The following BNIP2 variants were observed in gnomAD, a reference collection of about 807,000 sequenced individuals.
The protein encoded by BNIP2 is BCL2 interacting protein 2.
BNIP2 carries 36 observed loss-of-function variants against 43.4 expected under a neutral mutation model. That is an observed-to-expected ratio of 0.83 (90% CI 0.64 to 1.10). The LOEUF (loss-of-function observed/expected upper bound fraction) is 1.10, where lower values mean the gene tolerates loss of function less well. Among genes scored for constraint, BNIP2 ranks in the 50% least tolerant of loss-of-function variants. BNIP2 has a pLI of 0.00. For synonymous variants in BNIP2, 146 were observed against 121.0 expected (o/e 1.21, Z -1.35); for missense variants, 417 against 374.1 (o/e 1.11, Z -0.95).
intron 7 of BNIP2, 144 bp downstream of exon 7, chr15:59,671,039 C>T (rs1412009799): frequency 2.7e-6 from 2 of 745,200 alleles, no homozygotes; most frequent in Non-Finnish European, 3.9e-6. Context: ...TGCCATTGCA[C>T]TCCAGCCTGG....
chr15:59,664,014 A>C lies in BNIP2; in HGVS notation c.*55T>G. 1.0e-5 allele frequency: 14 copies of C among 1,341,648 alleles called. No individual in the cohort carries two copies. The highest frequency in any genetic ancestry group is 1.4e-5 in the Non-Finnish European group (14 of 982,150). The allele number at this position is 1,341,648 out of a possible 1,614,324, so 83.1% of individuals were successfully genotyped here. ...CCAATAAATGCATTATGAATGCAGA[A>C]ACAGCACTGCTCCATCAGCACATTC... On this transcript the variant is annotated 3_prime_UTR_variant, in exon 10 of 10. Transcript: ENST00000607373.
chr15:59,671,374 C>T, intron 6 of BNIP2, 60 bp from the exon 7 acceptor site: 1 of 1,447,354 alleles, frequency 6.9e-7, no homozygotes, highest in Non-Finnish European at 9.3e-7. Flanking sequence ...GAACTAGGTT[C>T]TCTAAATTGT....
intron 1 of BNIP2, chr15:59,688,595 TTG>T: frequency 9.7e-7 from 1 of 1,026,312 alleles, no homozygotes; most frequent in South Asian, 1.5e-5. Flanking sequence ...ACAGAAAGGG[TTG>T]TGTCTAGATT....
rs763032040 is a variant in BNIP2, at chr15:59,671,286, C to G, written c.604G>C (p.Val202Leu). 6.3e-7 allele frequency: 1 copy of G among 1,594,130 alleles called. No homozygotes were observed. Among genetic ancestry groups the G allele is most frequent in the Non-Finnish European group, 8.6e-7 (1 of 1,169,130 alleles). ...TAAACTATCATGTAGTTTTCTGCTA[C>G]TAATAGCTCCAAAGTGCCAATAACA... ...KYVIGTLELLVAENYMIVYLN... is the reference protein window; with the variant it reads ...KYVIGTLELLLAENYMIVYLN... Residue 202 changes from valine (V) to leucine (L), a missense_variant, in exon 7 of 10, where the codon GTA becomes CTA. By Grantham distance (32) the Val-to-Leu change is conservative. Transcript: ENST00000607373.
Position 59,661,318 on chromosome 15 carries a change from A to C in BNIP2, c.*2751T>G, listed in dbSNP as rs1165578322. 1 of 99,482 alleles carries C rather than the reference A, an allele frequency of 1.0e-5. No homozygotes were observed. Among genetic ancestry groups the C allele is most frequent in the Non-Finnish European group, 1.9e-5 (1 of 54,014 alleles). The allele number at this position is 99,482 out of a possible 1,614,324, so 6.2% of individuals were successfully genotyped here. On this transcript the variant is annotated 3_prime_UTR_variant, in exon 10 of 10. Transcript: ENST00000607373. ...GCACTCCAGAATGGGTGACAGAGTG[A>C]GTCTCTGTCTCCAAAAAAAAAAAAA...
At chr15:59,685,038 A>T (rs1019612131) in intron 1 of BNIP2, among the ~76,000 whole-genome samples, 13 of 152,244 alleles carry the variant, frequency 8.5e-5, no homozygotes, top group Non-Finnish European at 1.3e-4. Context: ...GTTACCCCAT[A>T]AAAATGTAAC....
chr15:59,670,917 TACA>T (rs1892858951), intron 7 of BNIP2, among the ~76,000 whole-genome samples: 1 of 151,564 alleles, frequency 6.6e-6, no homozygotes, highest in Non-Finnish European at 1.5e-5. Flanking sequence ...CTACAAAAAA[TACA>T]ACATTAGCTG....
intron 3 of BNIP2, 140 bp from the exon 4 acceptor site, chr15:59,679,908 A>T: frequency 1.3e-6 from 1 of 778,238 alleles, no homozygotes; most frequent in Non-Finnish European, 1.9e-6. Context: ...TATTCACAAA[A>T]TTTTTATTCT....
chr15:59,679,811 CTTAGATGCTAAAG>C (rs1893544162), intron 3 of BNIP2, 43 bp from the exon 4 acceptor site: 2 of 1,417,936 alleles, frequency 1.4e-6, no homozygotes, highest in Non-Finnish European at 1.9e-6. Flanking sequence ...ACAAGGAATG[CTTAGATGCTAAAG>C]TTGAATAAGA....
At chr15:59,677,794 C>T in intron 5 of BNIP2, 117 bp downstream of exon 5, 1 of 1,295,752 alleles carries the variant, frequency 7.7e-7, no homozygotes, top group African/African-American at 1.5e-5. Context: ...AGTCTCTCAA[C>T]CTAGCGCCTG....
At chr15:59,678,700 T>C in intron 4 of BNIP2, 2 of 1,217,938 alleles carry the variant, frequency 1.6e-6, no homozygotes, top group Non-Finnish European at 2.1e-6. Context: ...GTTTAGCTGA[T>C]TTTCAATGTA....
chr15:59,667,414 T>C (rs1334734647), intron 9 of BNIP2, among the ~76,000 whole-genome samples: 1 of 152,240 alleles, frequency 6.6e-6, no homozygotes, highest in Non-Finnish European at 1.5e-5. Context: ...TTTTTCTAAA[T>C]TATTATACAA....
rs1211283499 is a variant in BNIP2 at position 59,663,630 on chromosome 15, TAG to T, written c.*437_*438del. ...AAAACAAAAATTCTAATATGCACTT[TAG>T]AAAATCGTGGTCTTATATACCTGCA... On this transcript the variant is annotated 3_prime_UTR_variant, in exon 10 of 10. Transcript: ENST00000607373. The T allele has an allele frequency of 1.3e-5, 2 of 152,900 alleles. No individual in the cohort carries two copies. Among genetic ancestry groups the T allele is most frequent in the Non-Finnish European group, 2.9e-5 (2 of 68,238 alleles). 9.5% of individuals were successfully genotyped at this position (152,900 alleles called of 1,614,324 possible).
chr15:59,677,041 T>C (rs1419105665), intron 5 of BNIP2: 7 of 1,611,924 alleles, frequency 4.3e-6, no homozygotes, highest in African/African-American at 1.3e-5. Context: ...ATTGATTCCC[T>C]TGGCATTCAG....
At chr15:59,673,336 G>T (rs545819055) in intron 5 of BNIP2, among the ~76,000 whole-genome samples, 1 of 151,588 alleles carries the variant, frequency 6.6e-6, no homozygotes, top group Non-Finnish European at 1.5e-5. Context: ...GACTGGTCTC[G>T]AACTCCTGAC....
intron 5 of BNIP2, chr15:59,676,800 T>A: frequency 6.6e-7 from 1 of 1,522,776 alleles, no homozygotes. Context: ...GGTGGCCGCC[T>A]GGCCCTGCAG....
intron 1 of BNIP2, among the ~76,000 whole-genome samples, chr15:59,684,913 T>C (rs1296770387): frequency 2.0e-5 from 3 of 152,160 alleles, no homozygotes; most frequent in Admixed American, 2.0e-4. Flanking sequence ...AACAGGCCTA[T>C]AAAAATTAAG....
chr15:59,686,970 T>C (rs530200805), intron 1 of BNIP2, among the ~76,000 whole-genome samples: 42 of 152,286 alleles, frequency 2.8e-4, no homozygotes, highest in Non-Finnish European at 5.1e-4. Flanking sequence ...TGAGCCGAGA[T>C]TGCGCCATTG....
chr15:59,668,903 T>C lies in BNIP2; in HGVS notation c.882A>G (p.Glu294=). 6.2e-7 allele frequency: 1 copy of C among 1,613,094 alleles called. No individual in the cohort carries two copies. The highest frequency in any genetic ancestry group is 8.5e-7 in the Non-Finnish European group (1 of 1,179,270). The change falls in exon 9 of 10, where the codon GAA becomes GAG. Residue 294 remains glutamate, a synonymous_variant. Coordinates refer to ENST00000607373, the MANE Select transcript of BNIP2 (RefSeq NM_004330.4). ...LVPMEYVGIP[E]CIKQVDQELN... Reference sequence around the variant, plus strand: ...AAAACAAAACATACTGTTTTATGCATTCTGGTATGCCAACGTATTCCATGG... The same window carrying C: ...AAAACAAAACATACTGTTTTATGCACTCTGGTATGCCAACGTATTCCATGG...
Sources: gnomAD v4.1 joint callset for allele counts (sites outside exome capture counted in the v4.1 genomes callset) on GRCh38, gnomAD v4.1.1 for gene constraint, MANE v1.5 for transcripts, NCBI Gene and HGNC (gene_info 2026-07-23, HGNC 2026-07-21) for gene names.